The following BCO1 variants were observed in gnomAD, a reference collection of about 807,000 sequenced individuals.
BCO1 encodes the protein beta-carotene oxygenase 1, also known as beta,beta-carotene 15,15'-dioxygenase.
In BCO1, 54 loss-of-function variants were observed where a neutral mutation model predicts 56.3. The ratio of observed to expected loss-of-function variants is 0.96; its 90% CI spans 0.77 to 1.20. The LOEUF is 1.20. Among genes scored for constraint, BCO1 ranks in the 50% most tolerant of loss-of-function variants. The pLI, the probability that BCO1 is intolerant of heterozygous loss-of-function variation, is 0.00. For synonymous variants in BCO1, 318 were observed against 266.1 expected (o/e 1.20, Z -1.90); for missense variants, 801 against 690.9 (o/e 1.16, Z -1.79).
At chr16:81,250,578 C>CTTTTTTTTT (rs530676028) in intron 2 of BCO1, among the ~76,000 whole-genome samples, 10 of 105,478 alleles carry the variant, frequency 9.5e-5, no homozygotes, top group African/African-American at 2.3e-4. Context: ...CTCAATAAAG[C>CTTTTTTTTT]TTTTTTTTTT....
In BCO1 at chr16:81,272,742, C is replaced by T. The variant is rs9934270; in HGVS notation, c.1101+2326C>T. On this transcript the variant is annotated intron_variant, in intron 7 of 10. Coordinates refer to ENST00000258168, the MANE Select transcript of BCO1 (RefSeq NM_017429.3). The stretch of plus-strand genomic sequence containing the variant: ...ATTCAATTCAATTAAATGTTGATGG[C>T]TTACATTGACTAAATGCAAGTTATG... Among the ~76,000 whole-genome samples the T allele has an allele frequency of 6.8e-3, 1,030 of 152,318 alleles. 10 individuals carry two copies. The highest frequency in any genetic ancestry group is 0.024 in the African/African-American group (981 of 41,566).
intron 7 of BCO1, among the ~76,000 whole-genome samples, chr16:81,271,558 C>A (rs569195816): frequency 6.6e-6 from 1 of 152,212 alleles, no homozygotes; most frequent in Admixed American, 6.5e-5. Flanking sequence ...TCTTCCCCTC[C>A]CTGCCCCAGG....
Position 81,245,482 on chromosome 16 carries a change from T to A in BCO1, c.72T>A (p.Ile24=). The change falls in exon 2 of 11, where the codon ATT becomes ATA. Residue 24 remains isoleucine, a synonymous_variant. Transcript: ENST00000258168. ...CATTCTCTCTTTTCTCAGGCAAGAT[T>A]CCAGCATGGCTGCAGGGAACCCTGC... ...EPVRAKVTGK[I]PAWLQGTLLR... 1 of 1,614,204 alleles carries A rather than the reference T, an allele frequency of 6.2e-7. No individual in the cohort carries two copies.
At chr16:81,281,758 G>A (rs1377921995) in intron 8 of BCO1, among the ~76,000 whole-genome samples, 1 of 152,164 alleles carries the variant, frequency 6.6e-6, no homozygotes, top group Non-Finnish European at 1.5e-5. Flanking sequence ...TTTGCAGTGG[G>A]TGCTGTCCAG....
At chr16:81,248,920 G>C (rs1302559969) in intron 2 of BCO1, among the ~76,000 whole-genome samples, 2 of 152,076 alleles carry the variant, frequency 1.3e-5, no homozygotes, top group Non-Finnish European at 2.9e-5. Context: ...GCTGAGATAG[G>C]ATAATTGCTT....
At chr16:81,268,600 T>C (rs1183218756) in intron 6 of BCO1, among the ~76,000 whole-genome samples, 1 of 152,224 alleles carries the variant, frequency 6.6e-6, no homozygotes, top group Non-Finnish European at 1.5e-5. Context: ...TCTCCTTCCA[T>C]TCAGGTACAC....
intron 4 of BCO1, 48 bp from the exon 5 acceptor site, chr16:81,264,591 GT>G (rs1467773394): frequency 6.2e-7 from 1 of 1,600,788 alleles, no homozygotes; most frequent in African/African-American, 1.3e-5. Flanking sequence ...TATCTTGCAG[GT>G]TGATTATCGT....
At chr16:81,254,332 G>GTTT (rs1567701683) in intron 2 of BCO1, among the ~76,000 whole-genome samples, 107 of 103,600 alleles carry the variant, frequency 1.0e-3, no homozygotes, top group East Asian at 1.5e-3. Flanking sequence ...TGTATTTTTA[G>GTTT]TAGAGACAGG....
chr16:81,252,315 G>A (rs185870553), intron 2 of BCO1, among the ~76,000 whole-genome samples: 14 of 151,760 alleles, frequency 9.2e-5, no homozygotes, highest in Non-Finnish European at 1.8e-4. Flanking sequence ...GCTGGATTGC[G>A]GTGGCATGAT....
chr16:81,246,193 A>G (rs1183102593), intron 2 of BCO1, among the ~76,000 whole-genome samples: 20 of 151,784 alleles, frequency 1.3e-4, no homozygotes, highest in Non-Finnish European at 2.9e-5. Flanking sequence ...CTCTCCTTCC[A>G]TCCTCACACC....
In BCO1 at chr16:81,283,874, A is replaced by G. The variant is rs1329646446; in HGVS notation, c.1208-1666A>G. ...AGACTTAGAAATTCAATTTGATGCAATAGGCATATATACATATATACACAT... is the reference window on the plus strand; with the variant it reads ...AGACTTAGAAATTCAATTTGATGCAGTAGGCATATATACATATATACACAT... On this transcript the variant is annotated intron_variant, in intron 8 of 10. Transcript: ENST00000258168. Among the ~76,000 whole-genome samples the G allele has an allele frequency of 2.0e-5, 3 of 151,996 alleles. No homozygotes were observed. In the South Asian group the frequency reaches 6.3e-4, roughly 32 times the overall value.
intron 2 of BCO1, among the ~76,000 whole-genome samples, chr16:81,247,757 C>T (rs1905510091): frequency 6.6e-6 from 1 of 152,094 alleles, no homozygotes; most frequent in Non-Finnish European, 1.5e-5. Context: ...AACTTCCAAC[C>T]TCAGGTGATC....
chr16:81,289,505 G>T (rs1343066326), intron 10 of BCO1, among the ~76,000 whole-genome samples: 3 of 152,256 alleles, frequency 2.0e-5, no homozygotes, highest in African/African-American at 7.2e-5. Flanking sequence ...GCCAGACGTG[G>T]TGTCATGTGC....
At chr16:81,249,595 T>A (rs900156559) in intron 2 of BCO1, among the ~76,000 whole-genome samples, 41 of 152,008 alleles carry the variant, frequency 2.7e-4, no homozygotes, top group African/African-American at 8.2e-4. Context: ...AGATGGGGGT[T>A]TCATCATGTT....
At chr16:81,285,495 GC>G (rs748475777) in intron 8 of BCO1, 44 bp from the exon 9 acceptor site, 3 of 1,400,290 alleles carry the variant, frequency 2.1e-6, no homozygotes, top group Non-Finnish European at 3.0e-6. Context: ...GATGCTCCCA[GC>G]CCCCAATGAT....
chr16:81,252,334 A>C (rs1263195364), intron 2 of BCO1, among the ~76,000 whole-genome samples: 1 of 151,844 alleles, frequency 6.6e-6, no homozygotes, highest in East Asian at 1.9e-4. Flanking sequence ...ATCTCAGCTC[A>C]CTGCAACCTC....
At chr16:81,249,620 C>G (rs1331035858) in intron 2 of BCO1, among the ~76,000 whole-genome samples, 2 of 152,052 alleles carry the variant, frequency 1.3e-5, no homozygotes, top group Non-Finnish European at 2.9e-5. Flanking sequence ...AGGCCGGTCT[C>G]GAACTCCTGA....
chr16:81,265,124 C>T (rs913251508), intron 5 of BCO1, among the ~76,000 whole-genome samples: 1 of 151,904 alleles, frequency 6.6e-6, no homozygotes, highest in African/African-American at 2.4e-5. Flanking sequence ...CATGCATCTA[C>T]TCACCGTCCA....
intron 10 of BCO1, among the ~76,000 whole-genome samples, chr16:81,289,246 A>G (rs915878562): frequency 7.9e-5 from 12 of 152,210 alleles, no homozygotes; most frequent in African/African-American, 1.4e-4. Flanking sequence ...TTAACTCTCT[A>G]TCCCTTCAGA....
Sources: gnomAD v4.1 joint callset for allele counts (sites outside exome capture counted in the v4.1 genomes callset) on GRCh38, gnomAD v4.1.1 for gene constraint, MANE v1.5 for transcripts, NCBI Gene and HGNC (gene_info 2026-07-23, HGNC 2026-07-21) for gene names.